Variants in MBOAT2 observed in about 807,000 individuals in gnomAD.
The protein encoded by MBOAT2 is membrane bound glycerophospholipid O-acyltransferase 2, also known as membrane-bound glycerophospholipid O-acyltransferase 2.
Under a neutral mutation model 63.4 loss-of-function variants are expected in MBOAT2, and 28 were observed. The observed-to-expected ratio is 0.44, with a 90% CI of 0.33 to 0.61. MBOAT2 has a LOEUF of 0.61. Among genes scored for constraint, MBOAT2 ranks in the 20% least tolerant of loss-of-function variants. The pLI is 0.03. For synonymous variants in MBOAT2, 211 were observed against 215.6 expected (o/e 0.98, Z 0.19); for missense variants, 470 against 605.8 (o/e 0.78, Z 2.35).
chr2:8,917,856 G>C (rs1666297369), intron 3 of MBOAT2, among the ~76,000 whole-genome samples: 1 of 152,132 alleles, frequency 6.6e-6, no homozygotes, highest in Non-Finnish European at 1.5e-5. Context: ...TAGGTGAAAG[G>C]ATACATAAAT....
At chr2:8,962,866 A>G (rs1317137549) in intron 1 of MBOAT2, among the ~76,000 whole-genome samples, 1 of 152,160 alleles carries the variant, frequency 6.6e-6, no homozygotes, top group Non-Finnish European at 1.5e-5. Context: ...ACCTATATAC[A>G]CACATGGGAT....
At chr2:8,875,245 C>G (rs910887637) in intron 7 of MBOAT2, among the ~76,000 whole-genome samples, 1 of 152,004 alleles carries the variant, frequency 6.6e-6, no homozygotes, top group Non-Finnish European at 1.5e-5. Context: ...CACTATTTGA[C>G]TTTATAAAGT....
chr2:8,941,359 C>T (rs548776669), intron 3 of MBOAT2, among the ~76,000 whole-genome samples: 1 of 152,310 alleles, frequency 6.6e-6, no homozygotes, highest in Admixed American at 6.5e-5. Context: ...TGAATACTTA[C>T]TGTAAAAGAG....
chr2:8,894,559 A>C (rs1664285687), intron 4 of MBOAT2, among the ~76,000 whole-genome samples: 1 of 152,238 alleles, frequency 6.6e-6, no homozygotes, highest in Non-Finnish European at 1.5e-5. Context: ...GAGAACACAG[A>C]AACACATCTA....
chr2:8,936,427 A>G (rs1054983335), intron 3 of MBOAT2, among the ~76,000 whole-genome samples: 10 of 152,236 alleles, frequency 6.6e-5, no homozygotes, highest in African/African-American at 2.2e-4. Context: ...TTCCATACAC[A>G]GCAAGGCAAC....
intron 7 of MBOAT2, among the ~76,000 whole-genome samples, chr2:8,876,198 A>C (rs1407459125): frequency 1.3e-5 from 2 of 152,232 alleles, no homozygotes; most frequent in Non-Finnish European, 2.9e-5. Flanking sequence ...AGCAATTTCA[A>C]GTGCCCCAGT....
intron 1 of MBOAT2, among the ~76,000 whole-genome samples, chr2:8,994,029 G>A (rs1672097829): frequency 6.6e-6 from 1 of 152,176 alleles, no homozygotes; most frequent in Non-Finnish European, 1.5e-5. Flanking sequence ...GGAAACTGAA[G>A]CAAATAAAAG....
In MBOAT2 at chr2:8,888,023, T is replaced by C. The variant is rs762953930; in HGVS notation, c.446A>G (p.His149Arg). ...ATTAATTTCAGAATTCTTACCATCA[T>C]GAATTTCGCAAGCCAAACTAGTGAT... is the stretch of plus-strand genomic sequence containing the variant. ...QKITSLACEI[H>R]DGMFRKDEEL... is the part of the protein sequence containing the mutation. The change falls in exon 5 of 13, where the codon CAT becomes CGT. Residue 149 changes from histidine to arginine, a missense_variant. Coordinates refer to ENST00000305997, the MANE Select transcript of MBOAT2 (RefSeq NM_138799.4). 4.0e-5 allele frequency: 64 copies of C among 1,612,894 alleles called. No individual in the cohort carries two copies. The highest frequency in any genetic ancestry group is 1.7e-4 in the Middle Eastern group (1 of 6,038).
chr2:8,871,708 T>TA (rs1662338156), intron 8 of MBOAT2, among the ~76,000 whole-genome samples: 3 of 152,204 alleles, frequency 2.0e-5, no homozygotes, highest in African/African-American at 7.2e-5. Context: ...ATGATGCTAT[T>TA]GTGCACAGCT....
At chr2:8,971,808 A>G (rs1262356668) in intron 1 of MBOAT2, among the ~76,000 whole-genome samples, 2 of 152,192 alleles carry the variant, frequency 1.3e-5, no homozygotes, top group Non-Finnish European at 2.9e-5. Flanking sequence ...TCCAACTTAC[A>G]AGGGATGTGA....
intron 2 of MBOAT2, among the ~76,000 whole-genome samples, chr2:8,951,285 A>G (rs1183516979): frequency 1.3e-5 from 2 of 151,656 alleles, no homozygotes; most frequent in Non-Finnish European, 2.9e-5. Context: ...GCTCACTGCA[A>G]TCTCTGTCTC....
chr2:9,000,069 A>G (rs1343006157), intron 1 of MBOAT2, among the ~76,000 whole-genome samples: 3 of 152,212 alleles, frequency 2.0e-5, no homozygotes, highest in Non-Finnish European at 4.4e-5. Flanking sequence ...AATTTCTATC[A>G]TCTCATAAAT....
At chr2:8,897,083 C>T (rs1664535345) in intron 4 of MBOAT2, among the ~76,000 whole-genome samples, 1 of 152,202 alleles carries the variant, frequency 6.6e-6, no homozygotes, top group Admixed American at 6.5e-5. Flanking sequence ...TTTACCCTGG[C>T]TTTTAAAGGA....
At chr2:8,961,297 T>C (rs901826770) in intron 1 of MBOAT2, among the ~76,000 whole-genome samples, 2 of 152,146 alleles carry the variant, frequency 1.3e-5, no homozygotes, top group African/African-American at 4.8e-5. Flanking sequence ...GCTGGGGACA[T>C]GAGAAAGCTG....
At chr2:8,981,299 A>G (rs910121273) in intron 1 of MBOAT2, among the ~76,000 whole-genome samples, 6 of 152,210 alleles carry the variant, frequency 3.9e-5, no homozygotes, top group African/African-American at 1.4e-4. Context: ...TGAATTGTAC[A>G]CTTTAAATGG....
intron 3 of MBOAT2, among the ~76,000 whole-genome samples, chr2:8,942,765 T>C (rs1573118167): frequency 6.6e-6 from 1 of 152,310 alleles, no homozygotes; most frequent in East Asian, 1.9e-4. Flanking sequence ...CTCTCCAGTC[T>C]ACTCAGTTCA....
At chr2:8,872,206 G>A (rs1272416965) in intron 8 of MBOAT2, among the ~76,000 whole-genome samples, 5 of 152,196 alleles carry the variant, frequency 3.3e-5, no homozygotes, top group Non-Finnish European at 5.9e-5. Flanking sequence ...TTGCTCATGA[G>A]TGCAAAACTA....
chr2:8,871,293 G>A lies in MBOAT2; in HGVS notation c.883+1815C>T, dbSNP rs76003960. Among the ~76,000 whole-genome samples, 954 of 152,076 alleles carry A rather than the reference G, an allele frequency of 6.3e-3. 9 individuals carry two copies. Among genetic ancestry groups the A allele is most frequent in the Non-Finnish European group, 9.8e-3 (664 of 67,998 alleles). On this transcript the variant is annotated intron_variant, in intron 8 of 12. Transcript: ENST00000305997. ...GATTACAGGTATGAGCCACGTGCCC[G>A]GCCTAATGATAAATCTTGTATATTT...
At chr2:8,996,437 C>T (rs1306576381) in intron 1 of MBOAT2, among the ~76,000 whole-genome samples, 1 of 152,164 alleles carries the variant, frequency 6.6e-6, no homozygotes, top group Admixed American at 6.5e-5. Context: ...TTAAATGCCC[C>T]TCCAGATCCA....
Sources: gnomAD v4.1 joint callset for allele counts (sites outside exome capture counted in the v4.1 genomes callset) on GRCh38, gnomAD v4.1.1 for gene constraint, MANE v1.5 for transcripts, NCBI Gene and HGNC (gene_info 2026-07-23, HGNC 2026-07-21) for gene names.